Variants in ABHD2 observed in about 807,000 individuals in gnomAD.
ABHD2 encodes monoacylglycerol lipase ABHD2.
ABHD2 carries 20 observed loss-of-function variants against 48.1 expected under a neutral mutation model. The ratio of observed to expected loss-of-function variants is 0.42; its 90% confidence interval spans 0.29 to 0.60. The LOEUF is 0.60. ABHD2 is among the 20% of genes least tolerant of loss of function. ABHD2 has a pLI of 0.24. For synonymous variants in ABHD2, 209 were observed against 214.2 expected, an observed-to-expected ratio of 0.98 and a Z score of 0.21; for missense variants, 405 against 550.9, an observed-to-expected ratio of 0.74 and a Z score of 2.65.
At chr15:89,183,384 A>AAAATATATATAT (rs61602174) in intron 6 of ABHD2, 92 of 46,236 alleles carry the variant, frequency 2.0e-3, no homozygotes, top group Non-Finnish European at 2.8e-3. Context: ...AAAAAAAAAA[A>AAAATATATATAT]ATATATATAT....
At chr15:89,192,999 T>C (rs745935030) in intron 9 of ABHD2, among the ~76,000 whole-genome samples, 2 of 152,208 alleles carry the variant, frequency 1.3e-5, no homozygotes, top group African/African-American at 4.8e-5. Flanking sequence ...CTGATGATTA[T>C]CAGGAAGCTT....
At position 89,164,545 on chromosome 15, in the gene ABHD2, G is replaced by A. The variant is rs1463874654; in HGVS notation, c.538+9011G>A. 6.6e-6 allele frequency among the ~76,000 whole-genome samples: 1 copy of A among 152,120 alleles called. No individual in the cohort carries two copies. Among genetic ancestry groups the A allele is most frequent in the Non-Finnish European group, 1.5e-5 (1 of 68,014 alleles). ...CTCACACCTGTAATCCCAGCACTTT[G>A]GGACGCCCAGGCTGGCAGATCACTT... On this transcript the variant is annotated intron_variant, in intron 5 of 10. Coordinates refer to ENST00000352732, the MANE Select transcript of ABHD2 (RefSeq NM_152924.5). The surrounding 1 kb of genome is among the most constrained non-coding windows in gnomAD (Gnocchi z 5.0).
Position 89,098,389 on chromosome 15 carries a change from C to A in ABHD2, c.-107+9826C>A, listed in dbSNP as rs1224348443. Among the ~76,000 whole-genome samples the A allele has an allele frequency of 2.0e-5, 3 of 152,210 alleles. No homozygotes were observed. The East Asian group carries it at 5.8e-4, about 29-fold the overall frequency. ...CAGAGTTCAGCAGGCATTTATTGAGCTCTTTCCCTGCTGGACGCTGTGCCA... is the reference window on the plus strand; with the variant it reads ...CAGAGTTCAGCAGGCATTTATTGAGATCTTTCCCTGCTGGACGCTGTGCCA... On this transcript the variant is annotated intron_variant, in intron 1 of 10. Transcript: ENST00000352732.
chr15:89,194,878 C>A (rs1276683106), intron 10 of ABHD2, among the ~76,000 whole-genome samples: 2 of 152,204 alleles, frequency 1.3e-5, no homozygotes, highest in Non-Finnish European at 2.9e-5. Context: ...ACCTCCCACC[C>A]CCAGAGATTC....
chr15:89,164,970 G>A lies in ABHD2; in HGVS notation c.538+9436G>A, dbSNP rs79931020. On this transcript the variant is annotated intron_variant, in intron 5 of 10. Transcript: ENST00000352732. This position sits in a 1 kb window ranked among gnomAD's most constrained non-coding sequence, Gnocchi z 5.0. ...CTTACCTCTGCATCCAGTTCATACAGTTGACCTCATGTGAACTTTGGAATT... is the reference window on the plus strand; with the variant it reads ...CTTACCTCTGCATCCAGTTCATACAATTGACCTCATGTGAACTTTGGAATT... 2.5e-3 allele frequency among the ~76,000 whole-genome samples: 379 copies of A among 152,330 alleles called. 1 individual carries two copies. The highest frequency in any genetic ancestry group is 8.7e-3 in the African/African-American group (361 of 41,572).
chr15:89,171,593 T>C (rs1161084391), intron 5 of ABHD2, among the ~76,000 whole-genome samples: 1 of 152,218 alleles, frequency 6.6e-6, no homozygotes, highest in East Asian at 1.9e-4. Flanking sequence ...ATGTGCTACC[T>C]GTGGAAACCT....
intron 10 of ABHD2, among the ~76,000 whole-genome samples, chr15:89,193,861 C>T (rs2051347113): frequency 6.7e-6 from 1 of 148,498 alleles, no homozygotes; most frequent in Non-Finnish European, 1.5e-5. Context: ...GCGGAGCTTG[C>T]AGTGAGCCGA....
At chr15:89,068,437 A>G in the ABHD2 span, among the ~76,000 whole-genome samples, 1 of 152,146 alleles carries the variant, frequency 6.6e-6, no homozygotes, top group Non-Finnish European at 1.5e-5. Flanking sequence ...TGACTCAACA[A>G]TTGGGGGCTA....
At chr15:89,115,370 ATGTGTGTGTG>A (rs1164718189) in intron 2 of ABHD2, among the ~76,000 whole-genome samples, 4,799 of 100,094 alleles carry the variant, frequency 0.048, 146 homozygotes, top group Middle Eastern at 0.11. Flanking sequence ...GTTTGGAGGT[ATGTGTGTGTG>A]TGTGTGTGTG....
chr15:89,141,966 T>C (rs16942755), intron 3 of ABHD2, among the ~76,000 whole-genome samples: 1,815 of 152,364 alleles, frequency 0.012, 41 homozygotes, highest in African/African-American at 0.041. Context: ...TTTGGTCTCA[T>C]CACATTGGTT....
rs1478919009 is a variant in ABHD2 at position 89,151,913 on chromosome 15, A to T, written c.370+61A>T. On this transcript the variant is annotated intron_variant, in intron 4 of 10. Coordinates refer to ENST00000352732, the MANE Select transcript of ABHD2 (RefSeq NM_152924.5). The surrounding 1 kb of genome is among the most constrained non-coding windows in gnomAD (Gnocchi z 4.7). The stretch of plus-strand genomic sequence containing the variant: ...TCAGAGAAGGAGCACTAGTCAGTGG[A>T]GAGCACAGCAGTGTGAATACTTGTG... 6.4e-7 allele frequency: 1 copy of T among 1,562,774 alleles called. No individual in the cohort carries two copies. The highest frequency in any genetic ancestry group is 8.7e-7 in the Non-Finnish European group (1 of 1,151,066).
chr15:89,145,416 C>G (rs980261576), intron 3 of ABHD2, among the ~76,000 whole-genome samples: 1 of 152,116 alleles, frequency 6.6e-6, no homozygotes, highest in Non-Finnish European at 1.5e-5. Flanking sequence ...AGCAGATGCT[C>G]AAATAAATAC....
rs561635689 is a variant in ABHD2 at position 89,133,998 on chromosome 15, G to T, written c.194+17477G>T. 9.6e-4 allele frequency among the ~76,000 whole-genome samples: 146 copies of T among 151,940 alleles called. 1 individual carries two copies. In the South Asian group the frequency reaches 0.014, roughly 14 times the overall value. ...ACTACGGGTGCCTGCCACCACGACC[G>T]GCTAATTTTTTTTGTATTTTTAGTA... On this transcript the variant is annotated intron_variant, in intron 3 of 10. Transcript: ENST00000352732.
At chr15:89,061,629 G>A in the ABHD2 span, among the ~76,000 whole-genome samples, 1 of 151,910 alleles carries the variant, frequency 6.6e-6, no homozygotes, top group Non-Finnish European at 1.5e-5. Flanking sequence ...CTGGAGTGCA[G>A]TGGCACAATC....
At position 89,172,452 on chromosome 15, in the gene ABHD2, G is replaced by A. The variant is rs7166179; in HGVS notation, c.539-3360G>A. 3.4e-3 allele frequency among the ~76,000 whole-genome samples: 516 copies of A among 152,332 alleles called. 2 individuals carry two copies. The highest frequency in any genetic ancestry group is 0.011 in the African/African-American group (477 of 41,578). ...TCCATGCTGTAGCATGTGACGGGAT[G>A]TCCTTCCCTTTTAAAGCTGAATAAT... On this transcript the variant is annotated intron_variant, in intron 5 of 10. Transcript: ENST00000352732.
the ABHD2 span, among the ~76,000 whole-genome samples, chr15:89,065,367 A>G: frequency 0.18 from 26,640 of 152,134 alleles, 2,523 homozygotes; most frequent in Middle Eastern, 0.19. Context: ...CCATATTAGG[A>G]GGCTTCAACA....
chr15:89,187,590 T>C (rs909110330), intron 7 of ABHD2, among the ~76,000 whole-genome samples: 2 of 152,030 alleles, frequency 1.3e-5, no homozygotes, highest in Admixed American at 6.5e-5. Flanking sequence ...TCTAATGTCA[T>C]CCTCTCCAGA....
At position 89,137,556 on chromosome 15, in the gene ABHD2, G is replaced by T. The variant is rs951520725; in HGVS notation, c.195-14121G>T. Among the ~76,000 whole-genome samples, 24 of 152,198 alleles carry T rather than the reference G, an allele frequency of 1.6e-4. No individual in the cohort carries two copies. Among genetic ancestry groups the T allele is most frequent in the Non-Finnish European group, 3.4e-4 (23 of 68,038 alleles). ...TTTAGAAACCAGTTCGGGAACGGAA[G>T]AGGATTGCTCTTTTGTTTCCTCAGG... On this transcript the variant is annotated intron_variant, in intron 3 of 10. Transcript: ENST00000352732. The surrounding 1 kb of genome is among the most constrained non-coding windows in gnomAD (Gnocchi z 4.8).
At position 89,179,010 on chromosome 15, in the gene ABHD2, A is replaced by G. The variant is rs1425307108; in HGVS notation, c.722+3015A>G. On this transcript the variant is annotated intron_variant, in intron 6 of 10. Coordinates refer to ENST00000352732, the MANE Select transcript of ABHD2 (RefSeq NM_152924.5). The surrounding 1 kb of genome is among the most constrained non-coding windows in gnomAD (Gnocchi z 4.3). ...AGTTTGGGTGTAAAAGATAGTCTGT[A>G]TCTGAGGACCTCACAGCACTTAAGA... Among the ~76,000 whole-genome samples the G allele has an allele frequency of 6.6e-6, 1 of 152,260 alleles. No individual in the cohort carries two copies. Among genetic ancestry groups the G allele is most frequent in the Admixed American group, 6.5e-5 (1 of 15,290 alleles).
Sources: allele counts gnomAD v4.1 joint callset (sites outside exome capture counted in the v4.1 genomes callset), GRCh38; gene constraint gnomAD v4.1.1; non-coding constraint Gnocchi (gnomAD v3.1); transcripts MANE v1.5; gene names NCBI Gene and HGNC (gene_info 2026-07-23, HGNC 2026-07-21).